The following KIF15 variants were observed in gnomAD, a reference collection of about 807,000 sequenced individuals.
The protein encoded by KIF15 is kinesin-like protein KIF15.
A neutral mutation model predicts 190.6 loss-of-function variants in KIF15; 140 were observed. The observed-to-expected ratio is 0.73, with a 90% CI of 0.64 to 0.84. KIF15 has a LOEUF of 0.84. KIF15 is among the 40% of genes least tolerant of loss of function. KIF15 has a pLI of 0.00. For missense variants in KIF15, 1,372 were observed against 1,584.4 expected, an observed-to-expected ratio of 0.87 and a Z score of 2.28; for synonymous variants, 528 against 551.3, an observed-to-expected ratio of 0.96 and a Z score of 0.59.
chr3:44,780,438 A>G (rs2125910910), intron 4 of KIF15, among the ~76,000 whole-genome samples: 1 of 152,330 alleles, frequency 6.6e-6, no homozygotes, highest in East Asian at 1.9e-4. Flanking sequence ...TGGAAACAAA[A>G]GTTCATTTGA....
chr3:44,806,024 G>A, intron 16 of KIF15, 38 bp downstream of exon 16: 8 of 1,592,090 alleles, frequency 5.0e-6, no homozygotes, highest in Non-Finnish European at 6.0e-6. Context: ...TTAAATCAGT[G>A]CAATGTCATT....
chr3:44,840,860 G>A (rs950220977), intron 28 of KIF15, among the ~76,000 whole-genome samples: 3 of 151,610 alleles, frequency 2.0e-5, no homozygotes, highest in Non-Finnish European at 4.4e-5. Flanking sequence ...TTTTAGTAGC[G>A]ACAGGGTTTC....
intron 6 of KIF15, among the ~76,000 whole-genome samples, chr3:44,859,198 G>A (rs759404585): frequency 3.3e-5 from 5 of 152,232 alleles, no homozygotes; most frequent in Non-Finnish European, 7.3e-5. Flanking sequence ...CGGTTCAGAC[G>A]TTTTGAAGTT....
At chr3:44,824,621 T>C (rs1250421232) in intron 20 of KIF15, among the ~76,000 whole-genome samples, 2 of 152,232 alleles carry the variant, frequency 1.3e-5, no homozygotes, top group Non-Finnish European at 2.9e-5. Flanking sequence ...TAATTTGTTT[T>C]GAAGTCACTA....
intron 10 of KIF15, 79 bp from the exon 11 acceptor site, chr3:44,800,235 C>G: frequency 7.3e-7 from 1 of 1,365,718 alleles, no homozygotes. Context: ...CACTACAAAT[C>G]ATACCAAACA....
intron 1 of KIF15, among the ~76,000 whole-genome samples, chr3:44,772,731 A>G (rs111831616): frequency 1.3e-5 from 2 of 152,216 alleles, no homozygotes; most frequent in African/African-American, 4.8e-5. Flanking sequence ...AGGGAAAGAG[A>G]ATCAACAAAT....
chr3:44,843,540 G>C (rs1299592362), intron 30 of KIF15, among the ~76,000 whole-genome samples: 1 of 152,182 alleles, frequency 6.6e-6, no homozygotes, highest in East Asian at 1.9e-4. Flanking sequence ...ATATCGACAA[G>C]GTTCAAGAAG....
chr3:44,829,619 GTATATACAT>G (rs1472549655), intron 24 of KIF15, among the ~76,000 whole-genome samples: 5 of 120,252 alleles, frequency 4.2e-5, no homozygotes, highest in African/African-American at 1.4e-4. Context: ...TATTATATAT[GTATATACAT>G]TATATATGTA....
At chr3:44,838,140 G>T in intron 26 of KIF15, 135 bp from the exon 27 acceptor site, 1 of 804,524 alleles carries the variant, frequency 1.2e-6, no homozygotes, top group South Asian at 1.9e-5. Flanking sequence ...TCTTAGAATG[G>T]ATTAGCACAC....
Position 44,840,469 on chromosome 3 carries a change from A to G in KIF15, c.3420+13A>G, listed in dbSNP as rs1309690450. The G allele has an allele frequency of 1.3e-6, 2 of 1,544,824 alleles. No individual in the cohort carries two copies. The highest frequency in any genetic ancestry group is 1.2e-5 in the South Asian group (1 of 85,962). On this transcript the variant is annotated intron_variant, in intron 28 of 34. Coordinates refer to ENST00000326047, the MANE Select transcript of KIF15 (RefSeq NM_020242.3). ...TGAGGATCCCCAGGTACTTTTCAGAAAAAGATTATTTCAGGAGGAAGAAAC... is the reference window on the plus strand; with the variant it reads ...TGAGGATCCCCAGGTACTTTTCAGAGAAAGATTATTTCAGGAGGAAGAAAC...
chr3:44,853,975 T>C (rs1336497532), downstream of KIF15, among the ~76,000 whole-genome samples: 2 of 152,240 alleles, frequency 1.3e-5, no homozygotes, highest in African/African-American at 2.4e-5. Flanking sequence ...AATCATTGGC[T>C]GCTTGGAGCT....
chr3:44,860,356 T>C (rs770719275), intron 6 of KIF15, among the ~76,000 whole-genome samples: 48 of 152,162 alleles, frequency 3.2e-4, no homozygotes, highest in Admixed American at 5.9e-4. Flanking sequence ...TTGTACCATA[T>C]TGGCGTTACT....
chr3:44,830,390 G>T (rs890106514), intron 25 of KIF15, among the ~76,000 whole-genome samples: 2 of 152,208 alleles, frequency 1.3e-5, no homozygotes, highest in Non-Finnish European at 2.9e-5. Flanking sequence ...GTTGCTGGCC[G>T]TAACAGTTAA....
chr3:44,866,189 C>T (rs1476272358), intron 6 of KIF15, among the ~76,000 whole-genome samples: 1 of 151,914 alleles, frequency 6.6e-6, no homozygotes, highest in East Asian at 1.9e-4. Context: ...TCTCCTGCCT[C>T]AGCTTCCCGA....
At chr3:44,768,468 C>T (rs569571058) in intron 1 of KIF15, among the ~76,000 whole-genome samples, 35 of 152,164 alleles carry the variant, frequency 2.3e-4, no homozygotes, top group Middle Eastern at 3.4e-3. Context: ...CTGAAGAGGC[C>T]AGGCTTCTCC....
At chr3:44,785,042 A>C in intron 6 of KIF15, 100 bp downstream of exon 6, 1 of 635,244 alleles carries the variant, frequency 1.6e-6, no homozygotes, top group Non-Finnish European at 2.8e-6. Flanking sequence ...CATGGATGGT[A>C]CTCTACAATA....
intron 5 of KIF15, among the ~76,000 whole-genome samples, chr3:44,783,745 C>T (rs1232392888): frequency 3.9e-5 from 6 of 152,130 alleles, no homozygotes; most frequent in Non-Finnish European, 7.3e-5. Context: ...TGGTACAAGG[C>T]CTTCTACCAA....
intron 7 of KIF15, among the ~76,000 whole-genome samples, chr3:44,790,695 CTTTTTTTTTTT>C (rs56414094): frequency 2.0e-5 from 2 of 97,972 alleles, no homozygotes; most frequent in Admixed American, 1.2e-4. Context: ...TTTTCTGTTT[CTTTTTTTTTTT>C]TTTTTTTTTT....
intron 5 of KIF15, among the ~76,000 whole-genome samples, chr3:44,782,302 T>A (rs918476897): frequency 3.3e-5 from 5 of 152,170 alleles, no homozygotes; most frequent in Admixed American, 1.3e-4. Flanking sequence ...CCTCAAGTGA[T>A]CCACCTGCCT....
Sources: gnomAD v4.1 joint callset for allele counts (sites outside exome capture counted in the v4.1 genomes callset) on GRCh38, gnomAD v4.1.1 for gene constraint, MANE v1.5 for transcripts, NCBI Gene and HGNC (gene_info 2026-07-23, HGNC 2026-07-21) for gene names.